Variants in PROX1 observed in about 807,000 individuals in gnomAD.
PROX1 encodes the protein prospero homeobox protein 1.
In PROX1, 7 loss-of-function variants were observed where a neutral mutation model predicts 58.8. That is an observed-to-expected ratio of 0.12 (90% CI 0.07 to 0.22). The LOEUF (loss-of-function observed/expected upper bound fraction) is 0.22. Among genes scored for constraint, PROX1 ranks in the 10% least tolerant of loss-of-function variants. The pLI is 1.00. For missense variants in PROX1, 675 were observed against 927.8 expected, an observed-to-expected ratio of 0.73 and a Z score of 3.54; for synonymous variants, 350 against 358.3, an observed-to-expected ratio of 0.98 and a Z score of 0.26.
At chr1:213,989,149 AG>A (rs1407860832) in intron 1 of PROX1, among the ~76,000 whole-genome samples, 1 of 151,382 alleles carries the variant, frequency 6.6e-6, no homozygotes, top group Non-Finnish European at 1.5e-5. Context: ...GGAGGAGGAG[AG>A]AGGGAGGTGG....
At chr1:214,007,372 C>G (rs778290729) in intron 3 of PROX1, among the ~76,000 whole-genome samples, 3 of 152,220 alleles carry the variant, frequency 2.0e-5, no homozygotes, top group Admixed American at 6.5e-5. Flanking sequence ...GGAGGGGAAA[C>G]AGTAGAACAT....
In PROX1 at chr1:214,038,882, A is replaced by C. The variant is rs1255119253; in HGVS notation, c.*3048A>C. 1 of 152,236 alleles carries C rather than the reference A, an allele frequency of 6.6e-6. No individual in the cohort carries two copies. The highest frequency in any genetic ancestry group is 1.9e-4 in the East Asian group (1 of 5,200). The allele number at this position is 152,236 out of a possible 1,614,324, so 9.4% of individuals were successfully genotyped here. On this transcript the variant is annotated 3_prime_UTR_variant, in exon 5 of 5. Transcript: ENST00000366958. ...TTTTGAAGAAGAGAATTTTTAGAACAGTTTGATACCGCAAATTATTTTTTC... is the reference window on the plus strand; with the variant it reads ...TTTTGAAGAAGAGAATTTTTAGAACCGTTTGATACCGCAAATTATTTTTTC...
At chr1:214,017,810 T>C (rs560905808) in intron 4 of PROX1, among the ~76,000 whole-genome samples, 173 of 152,286 alleles carry the variant, frequency 1.1e-3, no homozygotes, top group Non-Finnish European at 2.1e-3. Context: ...TGCTTCGACC[T>C]ACCCCTAAGG....
rs41277174 is a variant in PROX1 at position 214,037,545 on chromosome 1, C to G, written c.*1711C>G. On this transcript the variant is annotated 3_prime_UTR_variant, in exon 5 of 5. Coordinates refer to ENST00000366958, the MANE Select transcript of PROX1 (RefSeq NM_001270616.2). ...TGTATGAACTCAATTATTGTCAGCA[C>G]AAAGCCTTAAAACCTGCTGACTTTA... 6.6e-6 allele frequency: 1 copy of G among 152,172 alleles called. No individual in the cohort carries two copies. The highest frequency in any genetic ancestry group is 6.5e-5 in the Admixed American group (1 of 15,284). The allele number at this position is 152,172 out of a possible 1,614,324, so 9.4% of individuals were successfully genotyped here.
rs1389525998 is a variant in PROX1 at position 214,036,228 on chromosome 1, A to G, written c.*394A>G. 6.4e-6 allele frequency: 1 copy of G among 155,778 alleles called. No homozygotes were observed. The highest frequency in any genetic ancestry group is 1.4e-5 in the Non-Finnish European group (1 of 70,592). The allele number at this position is 155,778 out of a possible 1,614,324, so 9.6% of individuals were successfully genotyped here. A position where few individuals can be genotyped will look rare whatever the true frequency, so the allele number is the denominator to read the frequency against. On this transcript the variant is annotated 3_prime_UTR_variant, in exon 5 of 5. Coordinates refer to ENST00000366958, the MANE Select transcript of PROX1 (RefSeq NM_001270616.2). Reference sequence around the variant, plus strand: ...TGAGGAAAACCCATGACACAGCACAACTCTACAGACAGTGATGTGTCTCTT... The same window carrying G: ...TGAGGAAAACCCATGACACAGCACAGCTCTACAGACAGTGATGTGTCTCTT...
chr1:214,010,907 C>A (rs1663885757), intron 3 of PROX1, among the ~76,000 whole-genome samples: 1 of 152,128 alleles, frequency 6.6e-6, no homozygotes, highest in African/African-American at 2.4e-5. Context: ...AGGAGCTGAC[C>A]AGACCTCACC....
rs199560210 is a variant in PROX1, at chr1:213,996,614, G to T, written c.79G>T (p.Val27Leu). 3 of 1,614,202 alleles carry T rather than the reference G, an allele frequency of 1.9e-6. No homozygotes were observed. In the East Asian group the frequency reaches 6.7e-5, roughly 36 times the overall value. The change falls in exon 2 of 5, where the codon GTA (valine) becomes TTA (leucine). Residue 27 changes from valine (V) to leucine (L), a missense_variant. Val to Leu is a conservative substitution (Grantham distance 32). This residue lies in a region of PROX1 where 157 missense variants were observed against 197.8 expected (regional missense o/e 0.79). Coordinates refer to ENST00000366958, the MANE Select transcript of PROX1 (RefSeq NM_001270616.2). ...RRVDIGVKRT[V>L]GTASAFFAKA... ...AGTTGACATTGGAGTGAAAAGGACG[G>T]TAGGGACAGCATCTGCATTTTTTGC...
intron 4 of PROX1, among the ~76,000 whole-genome samples, chr1:214,021,102 GA>G (rs1226305892): frequency 6.6e-6 from 1 of 152,218 alleles, no homozygotes; most frequent in Non-Finnish European, 1.5e-5. Flanking sequence ...AGCATATTGG[GA>G]GAGGCTGGTA....
chr1:214,023,357 A>AT (rs1228252300), intron 4 of PROX1, among the ~76,000 whole-genome samples: 4 of 149,250 alleles, frequency 2.7e-5, no homozygotes, highest in Non-Finnish European at 6.0e-5. Flanking sequence ...TTATTCTTTT[A>AT]TTTTTTTATT....
At chr1:213,986,641 C>T (rs1228636062), upstream of PROX1, among the ~76,000 whole-genome samples, 1 of 152,178 alleles carries the variant, frequency 6.6e-6, no homozygotes, top group Non-Finnish European at 1.5e-5. Context: ...GAGGGACACA[C>T]GAAGACTACT....
In PROX1 at chr1:213,997,463, C is replaced by T; in HGVS notation, c.928C>T (p.Arg310Ter). ...CELDPGQFID[R>*]ARALIREQEM... ...GCTAGACCCAGGACAGTTTATTGACCGAGCTCGAGCCCTGATCAGAGAGCA... is the reference window on the plus strand; with the variant it reads ...GCTAGACCCAGGACAGTTTATTGACTGAGCTCGAGCCCTGATCAGAGAGCA... The change falls in exon 2 of 5, where the codon CGA (arginine) becomes TGA (stop). Residue 310 changes from arginine (R) to a stop codon, truncating the protein, a stop_gained. Coordinates refer to ENST00000366958, the MANE Select transcript of PROX1 (RefSeq NM_001270616.2). LOFTEE classifies it high-confidence loss of function. This position sits in a 1 kb window ranked among gnomAD's most constrained non-coding sequence, Gnocchi z 7.1. 1 of 1,614,052 alleles carries T rather than the reference C, an allele frequency of 6.2e-7. No homozygotes were observed.
chr1:214,028,057 A>C (rs1484175135), intron 4 of PROX1, among the ~76,000 whole-genome samples: 2 of 152,100 alleles, frequency 1.3e-5, no homozygotes, highest in Non-Finnish European at 2.9e-5. Flanking sequence ...CATGGGTATT[A>C]GACGAATCTA....
intron 4 of PROX1, among the ~76,000 whole-genome samples, chr1:214,028,392 C>T (rs1459873173): frequency 1.3e-5 from 2 of 151,644 alleles, no homozygotes; most frequent in African/African-American, 4.8e-5. Flanking sequence ...GAGAAGTACA[C>T]GTATCCATTC....
In PROX1 at chr1:214,028,329, G is replaced by A. The variant is rs550959029; in HGVS notation, c.2029-7320G>A. ...TTGCCCTTTGACCACGGTGCTCAGT[G>A]TTCAATACACAAAACCTAATCTCTA... On this transcript the variant is annotated intron_variant, in intron 4 of 4. Transcript: ENST00000366958. 3.9e-5 allele frequency among the ~76,000 whole-genome samples: 6 copies of A among 152,278 alleles called. No homozygotes were observed. In the South Asian group the frequency reaches 1.2e-3, roughly 32 times the overall value.
At position 214,036,493 on chromosome 1, in the gene PROX1, G is replaced by A. The variant is rs796163018; in HGVS notation, c.*659G>A. 2 of 152,254 alleles carry A rather than the reference G, an allele frequency of 1.3e-5. No individual in the cohort carries two copies. Among genetic ancestry groups the A allele is most frequent in the African/African-American group, 4.8e-5 (2 of 41,530 alleles). 9.4% of individuals were successfully genotyped at this position (152,254 alleles called of 1,614,324 possible). A position where few individuals can be genotyped will look rare whatever the true frequency, so the allele number is the denominator to read the frequency against. On this transcript the variant is annotated 3_prime_UTR_variant, in exon 5 of 5. Transcript: ENST00000366958. ...TCTGAAAGTCGTACCAGTTTCTTCTGGAGGCAAAGCAATTTTGCACAAAAC... is the reference window on the plus strand; with the variant it reads ...TCTGAAAGTCGTACCAGTTTCTTCTAGAGGCAAAGCAATTTTGCACAAAAC...
At chr1:214,005,688 T>C (rs539050317) in intron 3 of PROX1, among the ~76,000 whole-genome samples, 1 of 152,222 alleles carries the variant, frequency 6.6e-6, no homozygotes, top group African/African-American at 2.4e-5. Flanking sequence ...AGCACCTCTT[T>C]TTCCCCCTGT....
intron 4 of PROX1, among the ~76,000 whole-genome samples, chr1:214,026,284 A>G (rs1196441346): frequency 6.6e-6 from 1 of 152,228 alleles, no homozygotes; most frequent in Non-Finnish European, 1.5e-5. Flanking sequence ...CAAGACCTCC[A>G]TGTGTGAGCA....
Position 214,005,278 on chromosome 1 carries a change from G to A in PROX1, c.1833+6G>A, listed in dbSNP as rs1430854940. On this transcript the variant is annotated splice_donor_region_variant and intron_variant, in intron 3 of 4. Coordinates refer to ENST00000366958, the MANE Select transcript of PROX1 (RefSeq NM_001270616.2). ...CCTACTTCTCCGACGTAAAGGTAGG[G>A]ACTTTTTTTATTCTTAATTTTTTCA... is the stretch of plus-strand genomic sequence containing the variant. The A allele has an allele frequency of 5.6e-6, 9 of 1,593,646 alleles. No homozygotes were observed. Among genetic ancestry groups the A allele is most frequent in the Non-Finnish European group, 7.7e-6 (9 of 1,165,636 alleles).
At chr1:214,004,122 C>T (rs558807877) in intron 2 of PROX1, among the ~76,000 whole-genome samples, 5 of 152,314 alleles carry the variant, frequency 3.3e-5, no homozygotes, top group South Asian at 2.1e-4. Flanking sequence ...ATTTTCTCCA[C>T]GTGCATCTTC....
Sources: allele counts gnomAD v4.1 joint callset (sites outside exome capture counted in the v4.1 genomes callset), GRCh38; gene constraint gnomAD v4.1.1; regional missense constraint gnomAD v4.1.1; non-coding constraint Gnocchi (gnomAD v3.1); transcripts MANE v1.5; gene names NCBI Gene and HGNC (gene_info 2026-07-23, HGNC 2026-07-21).